Variants in NEDD4L observed in about 807,000 individuals in gnomAD.
The protein encoded by NEDD4L is NEDD4 like E3 ubiquitin protein ligase, also known as E3 ubiquitin-protein ligase NEDD4-like.
Under a neutral mutation model 148.9 loss-of-function variants are expected in NEDD4L, and 54 were observed. The observed-to-expected ratio is 0.36, with a 90% CI of 0.29 to 0.45. The LOEUF (loss-of-function observed/expected upper bound fraction) is 0.45, where lower values mean the gene tolerates loss of function less well. Among genes scored for constraint, NEDD4L ranks in the 20% least tolerant of loss-of-function variants. The pLI, the probability that NEDD4L is intolerant of heterozygous loss-of-function variation, is 1.00. For synonymous variants in NEDD4L, 433 were observed against 440.7 expected (o/e 0.98, Z 0.22); for missense variants, 856 against 1,233.8 (o/e 0.69, Z 4.59).
intron 30 of NEDD4L, among the ~76,000 whole-genome samples, chr18:58,395,528 T>C (rs141686849): frequency 1.3e-3 from 202 of 152,178 alleles, no homozygotes; most frequent in African/African-American, 4.8e-3. Flanking sequence ...AGGGACTTTT[T>C]CTAAATGCAA....
At chr18:58,267,966 G>C (rs996012910) in intron 5 of NEDD4L, among the ~76,000 whole-genome samples, 10 of 151,986 alleles carry the variant, frequency 6.6e-5, no homozygotes, top group African/African-American at 2.4e-4. Context: ...TTTGGAGGTC[G>C]TCGTTTTTTG....
intron 1 of NEDD4L, among the ~76,000 whole-genome samples, chr18:58,097,796 C>T (rs1376686174): frequency 6.6e-6 from 1 of 152,176 alleles, no homozygotes; most frequent in Admixed American, 6.5e-5. Flanking sequence ...CTTTGGGAGA[C>T]TCAGGCTGGA....
At chr18:58,044,856 A>T (rs1358130383) in intron 1 of NEDD4L, 148 bp downstream of exon 1, 13 of 992,878 alleles carry the variant, frequency 1.3e-5, no homozygotes, top group African/African-American at 1.7e-5. Context: ...AGCGGGATCC[A>T]GGGGAGCTTG....
intron 1 of NEDD4L, among the ~76,000 whole-genome samples, chr18:58,124,434 T>C (rs559864680): frequency 2.6e-5 from 4 of 152,330 alleles, no homozygotes; most frequent in African/African-American, 9.6e-5. Flanking sequence ...ACTCCTCTGC[T>C]TCTCCGCCTC....
intron 14 of NEDD4L, 46 bp from the exon 15 acceptor site, chr18:58,341,632 C>A (rs781728401): frequency 6.3e-7 from 1 of 1,584,038 alleles, no homozygotes. Flanking sequence ...TCACACACAC[C>A]GGGAGATCCT....
chr18:58,275,089 A>T (rs895127410), intron 5 of NEDD4L, among the ~76,000 whole-genome samples: 1 of 152,228 alleles, frequency 6.6e-6, no homozygotes, highest in Admixed American at 6.5e-5. Flanking sequence ...CCACAATTTA[A>T]CTAGTAATAG....
At chr18:58,044,778 A>T (rs898089200) in intron 1 of NEDD4L, 70 bp downstream of exon 1, 40 of 1,559,796 alleles carry the variant, frequency 2.6e-5, no homozygotes, top group Non-Finnish European at 3.4e-5. Context: ...GGGGGAGGGG[A>T]AAGGGGCCGT....
intron 2 of NEDD4L, among the ~76,000 whole-genome samples, chr18:58,241,247 A>G (rs1388111944): frequency 6.6e-6 from 1 of 152,186 alleles, no homozygotes; most frequent in Non-Finnish European, 1.5e-5. Flanking sequence ...CAGAGAGGCT[A>G]TGTAAGTTTC....
At chr18:58,195,357 T>A (rs2040538731) in intron 2 of NEDD4L, 2 of 1,137,204 alleles carry the variant, frequency 1.8e-6, no homozygotes, top group Admixed American at 3.2e-5. Flanking sequence ...AAGTTCCTCC[T>A]ATAGTCATTG....
At chr18:58,333,716 G>T (rs780704516) in intron 11 of NEDD4L, 102 bp from the exon 12 acceptor site, 2 of 776,868 alleles carry the variant, frequency 2.6e-6, no homozygotes, top group Non-Finnish European at 4.5e-6. Flanking sequence ...TTCTAATATC[G>T]AAGAGCGGTG....
intron 2 of NEDD4L, among the ~76,000 whole-genome samples, chr18:58,202,156 C>T (rs978809454): frequency 2.0e-5 from 3 of 152,194 alleles, no homozygotes; most frequent in African/African-American, 7.2e-5. Context: ...CTCTTCAGGC[C>T]ATAAACCTTT....
chr18:58,160,136 A>G (rs1379375732), intron 1 of NEDD4L, among the ~76,000 whole-genome samples: 1 of 152,234 alleles, frequency 6.6e-6, no homozygotes, highest in Non-Finnish European at 1.5e-5. Context: ...TTATTTTACT[A>G]CAAGAACACT....
intron 5 of NEDD4L, among the ~76,000 whole-genome samples, chr18:58,287,568 A>G (rs1226473382): frequency 6.6e-6 from 1 of 152,222 alleles, no homozygotes; most frequent in Admixed American, 6.5e-5. Flanking sequence ...AACAGAATCT[A>G]AACTTTTGTT....
At chr18:58,120,177 A>G (rs1159074309) in intron 1 of NEDD4L, among the ~76,000 whole-genome samples, 1 of 152,136 alleles carries the variant, frequency 6.6e-6, no homozygotes, top group Admixed American at 6.5e-5. Flanking sequence ...GCCCAAATAG[A>G]AAGGCAGAAA....
rs2032607685 is a variant in NEDD4L at position 58,134,631 on chromosome 18, C to T, written c.49-31157C>T. 8.3e-4 allele frequency among the ~76,000 whole-genome samples: 2 copies of T among 2,414 alleles called. 1 individual carries two copies. Among genetic ancestry groups the T allele is most frequent in the Admixed American group, 9.6e-3 (2 of 208 alleles). The allele number at this position is 2,414 out of a possible 152,430, so 1.6% of individuals were successfully genotyped here. On this transcript the variant is annotated intron_variant, in intron 1 of 30. Coordinates refer to ENST00000400345, the MANE Select transcript of NEDD4L (RefSeq NM_001144967.3). ...TCGTGATCCGCCCGCCTCGGCCTCC[C>T]AAAGTGCTGGGATTACAGGCGTGAG... is the stretch of plus-strand genomic sequence containing the variant.
At chr18:58,183,936 A>G (rs367923946) in intron 2 of NEDD4L, among the ~76,000 whole-genome samples, 31 of 152,146 alleles carry the variant, frequency 2.0e-4, no homozygotes, top group South Asian at 8.3e-4. Flanking sequence ...TTGGGAGGCC[A>G]AGGCGGGCGG....
rs202023898 is a variant in NEDD4L at position 58,262,632 on chromosome 18, A to G, written c.297+10578A>G. 3.2e-4 allele frequency among the ~76,000 whole-genome samples: 4 copies of G among 12,630 alleles called. No homozygotes were observed. In the South Asian group the frequency reaches 0.013, roughly 39 times the overall value. 8.3% of individuals were successfully genotyped at this position (12,630 alleles called of 152,430 possible). On this transcript the variant is annotated intron_variant, in intron 5 of 30. Transcript: ENST00000400345. ...CGACAGAGTGAAACTCTGTCTCAGG[A>G]AAAAAAAAAAAAAAAGGAAAAGAAA...
At chr18:58,255,692 C>A (rs1015658509) in intron 5 of NEDD4L, 1 of 1,232,436 alleles carries the variant, frequency 8.1e-7, no homozygotes, top group African/African-American at 1.6e-5. Flanking sequence ...CAACACAGCC[C>A]CCGAATCAGA....
At chr18:58,350,106 T>G (rs1240202692) in intron 17 of NEDD4L, among the ~76,000 whole-genome samples, 1 of 152,212 alleles carries the variant, frequency 6.6e-6, no homozygotes, top group Non-Finnish European at 1.5e-5. Context: ...AGCTATATAC[T>G]TAAAATTGGA....
Sources: allele counts gnomAD v4.1 joint callset (sites outside exome capture counted in the v4.1 genomes callset), GRCh38; gene constraint gnomAD v4.1.1; transcripts MANE v1.5; gene names NCBI Gene and HGNC (gene_info 2026-07-23, HGNC 2026-07-21).